ENOX1: variants seen among roughly 807,000 people sequenced by gnomAD.
ENOX1 encodes the protein ecto-NOX disulfide-thiol exchanger 1.
Under a neutral mutation model 82.5 loss-of-function variants are expected in ENOX1, and 42 were observed. The observed-to-expected ratio is 0.51, with a 90% CI of 0.40 to 0.66. ENOX1 has a LOEUF of 0.66. Ranked by LOEUF, ENOX1 falls within the 30% of genes least tolerant of loss-of-function variation. The pLI is 0.00. For missense variants in ENOX1, 608 were observed against 811.6 expected, an observed-to-expected ratio of 0.75 and a Z score of 3.05; for synonymous variants, 271 against 282.2, an observed-to-expected ratio of 0.96 and a Z score of 0.40.
At chr13:43,480,775 C>T (rs1412400334) in intron 3 of ENOX1, among the ~76,000 whole-genome samples, 2 of 152,080 alleles carry the variant, frequency 1.3e-5, no homozygotes, top group Non-Finnish European at 2.9e-5. Flanking sequence ...TCTAGAAACA[C>T]ACAACCTACC....
At chr13:43,280,872 T>C (rs921231745) in intron 12 of ENOX1, among the ~76,000 whole-genome samples, 1 of 152,176 alleles carries the variant, frequency 6.6e-6, no homozygotes, top group Admixed American at 6.5e-5. Flanking sequence ...ACAAGATATG[T>C]AAATAAATGG....
chr13:43,557,725 G>A (rs1025475595), intron 2 of ENOX1, among the ~76,000 whole-genome samples: 2 of 152,134 alleles, frequency 1.3e-5, no homozygotes, highest in African/African-American at 4.8e-5. Flanking sequence ...TTGAGCCCAG[G>A]CATTCGAGGT....
intron 2 of ENOX1, among the ~76,000 whole-genome samples, chr13:43,647,099 T>C (rs1256887765): frequency 1.3e-5 from 2 of 152,072 alleles, no homozygotes; most frequent in Admixed American, 1.3e-4. Context: ...TAATGGACCT[T>C]GTAAGGGGCA....
intron 5 of ENOX1, among the ~76,000 whole-genome samples, chr13:43,375,353 T>C (rs1324154877): frequency 2.0e-5 from 3 of 152,138 alleles, no homozygotes; most frequent in Non-Finnish European, 2.9e-5. Flanking sequence ...TATGCCATTC[T>C]CCATGTTAGG....
chr13:43,308,154 G>A (rs1473210121), intron 11 of ENOX1, among the ~76,000 whole-genome samples: 1 of 146,098 alleles, frequency 6.8e-6, no homozygotes, highest in Non-Finnish European at 1.5e-5. Flanking sequence ...TCCACACTTT[G>A]CCCTCCCTTT....
chr13:43,437,379 CATA>C (rs1204347948), intron 3 of ENOX1, among the ~76,000 whole-genome samples: 1 of 152,198 alleles, frequency 6.6e-6, no homozygotes, highest in Non-Finnish European at 1.5e-5. Flanking sequence ...CTGCAACCAA[CATA>C]ATATGACACT....
At chr13:43,355,179 T>C (rs1254820525) in intron 8 of ENOX1, among the ~76,000 whole-genome samples, 2 of 152,212 alleles carry the variant, frequency 1.3e-5, no homozygotes, top group African/African-American at 4.8e-5. Context: ...TGGTCAGTAA[T>C]AGAACTGAAT....
At chr13:43,738,818 TA>T (rs1482646558) in intron 1 of ENOX1, among the ~76,000 whole-genome samples, 1 of 152,178 alleles carries the variant, frequency 6.6e-6, no homozygotes, top group Non-Finnish European at 1.5e-5. Context: ...TCATCCCAAT[TA>T]AAACTGCAAA....
At chr13:43,424,043 G>C (rs763371512) in intron 3 of ENOX1, among the ~76,000 whole-genome samples, 6 of 152,166 alleles carry the variant, frequency 3.9e-5, no homozygotes, top group Non-Finnish European at 5.9e-5. Context: ...TGGATGTCAG[G>C]CTTCAAAGAT....
chr13:43,660,290 C>G lies in ENOX1; in HGVS notation c.-219+7189G>C, dbSNP rs556397391. On this transcript the variant is annotated intron_variant, in intron 2 of 16. Coordinates refer to ENST00000690772, the MANE Select transcript of ENOX1 (RefSeq NM_001347969.2). ...ATTTCTTTGCTCTCATCGGTGTGTGCCTTTTAAAATAAAAATCCCTTAAAC... is the reference window on the plus strand; with the variant it reads ...ATTTCTTTGCTCTCATCGGTGTGTGGCTTTTAAAATAAAAATCCCTTAAAC... Among the ~76,000 whole-genome samples the G allele has an allele frequency of 8.8e-4, 134 of 152,230 alleles. 1 individual carries two copies. The highest frequency in any genetic ancestry group is 3.2e-3 in the African/African-American group (132 of 41,536).
intron 12 of ENOX1, among the ~76,000 whole-genome samples, chr13:43,274,219 G>A (rs1422895645): frequency 6.6e-6 from 1 of 152,148 alleles, no homozygotes; most frequent in Admixed American, 6.5e-5. Context: ...ACAGGCTAAG[G>A]AAATCCAATC....
rs187792581 is a variant in ENOX1 at position 43,418,408 on chromosome 13, A to G, written c.-74-5420T>C. 1.7e-3 allele frequency among the ~76,000 whole-genome samples: 264 copies of G among 151,902 alleles called. 2 individuals are homozygous for G. The highest frequency in any genetic ancestry group is 5.3e-3 in the African/African-American group (218 of 41,388). ...CTGGGTGTGGTGGTGCATGCTTGTAATCCCAGCTACTTGGGAAGCTGAGGC... is the reference window on the plus strand; with the variant it reads ...CTGGGTGTGGTGGTGCATGCTTGTAGTCCCAGCTACTTGGGAAGCTGAGGC... On this transcript the variant is annotated intron_variant, in intron 3 of 16. Transcript: ENST00000690772.
intron 2 of ENOX1, among the ~76,000 whole-genome samples, chr13:43,644,960 C>T (rs2083826164): frequency 6.6e-6 from 1 of 152,166 alleles, no homozygotes; most frequent in Non-Finnish European, 1.5e-5. Context: ...CAATTTGTCA[C>T]TGACCACACA....
At chr13:43,649,810 G>A (rs2084071315) in intron 2 of ENOX1, among the ~76,000 whole-genome samples, 1 of 152,158 alleles carries the variant, frequency 6.6e-6, no homozygotes, top group African/African-American at 2.4e-5. Context: ...TAGCGCTACA[G>A]ATATGTTGTA....
intron 1 of ENOX1, among the ~76,000 whole-genome samples, chr13:43,748,136 T>A (rs1316459596): frequency 6.6e-6 from 1 of 151,138 alleles, no homozygotes; most frequent in African/African-American, 2.5e-5. Flanking sequence ...AACACGAGTT[T>A]GTTTTAATAA....
intron 2 of ENOX1, among the ~76,000 whole-genome samples, chr13:43,649,144 T>C (rs934061140): frequency 6.6e-6 from 1 of 152,244 alleles, no homozygotes. Flanking sequence ...AATTCATTTA[T>C]TGTAATGTCT....
chr13:43,233,954 A>T (rs1444033662), intron 15 of ENOX1, among the ~76,000 whole-genome samples: 1 of 152,208 alleles, frequency 6.6e-6, no homozygotes, highest in African/African-American at 2.4e-5. Flanking sequence ...AGAAGGCCAG[A>T]GGGCTCCTAG....
intron 3 of ENOX1, among the ~76,000 whole-genome samples, chr13:43,415,242 T>TG (rs1038024242): frequency 6.9e-5 from 10 of 144,850 alleles, no homozygotes; most frequent in Admixed American, 2.8e-4. Flanking sequence ...GTTTTTTTTT[T>TG]TTTTTTTTTT....
intron 2 of ENOX1, among the ~76,000 whole-genome samples, chr13:43,644,285 T>C (rs1264987242): frequency 6.6e-6 from 1 of 152,160 alleles, no homozygotes; most frequent in Non-Finnish European, 1.5e-5. Flanking sequence ...GAGTGACATA[T>C]TTTGAAATCT....
Sources: allele counts gnomAD v4.1 joint callset (sites outside exome capture counted in the v4.1 genomes callset), GRCh38; gene constraint gnomAD v4.1.1; transcripts MANE v1.5; gene names NCBI Gene and HGNC (gene_info 2026-07-23, HGNC 2026-07-21).